NWD2: variants seen among roughly 807,000 people sequenced by gnomAD.
The protein encoded by NWD2 is NACHT and WD repeat domain containing 2.
NWD2 carries 37 observed loss-of-function variants against 132.7 expected under a neutral mutation model. The ratio of observed to expected loss-of-function variants is 0.28; its 90% CI spans 0.21 to 0.37. The LOEUF is 0.37. NWD2 is among the 10% of genes least tolerant of loss of function. The probability of loss-of-function intolerance (pLI) is 1.00; values close to 1 mark genes in which losing one functional copy is unlikely to be tolerated. For missense variants in NWD2, 1,592 were observed against 2,122.4 expected (o/e 0.75, Z 4.91); for synonymous variants, 705 against 803.0 (o/e 0.88, Z 2.06).
chr4:37,342,155 A>G (rs1719541105), intron 2 of NWD2, among the ~76,000 whole-genome samples: 2 of 152,156 alleles, frequency 1.3e-5, no homozygotes, highest in Non-Finnish European at 2.9e-5. Context: ...TGGGTCACAG[A>G]GGCGAATCCT....
chr4:37,409,161 G>C (rs1039132462), intron 3 of NWD2, among the ~76,000 whole-genome samples: 2 of 152,062 alleles, frequency 1.3e-5, no homozygotes, highest in East Asian at 1.9e-4. Context: ...GAATGAGTTT[G>C]ACAAGTTGAC....
rs138440537 is a variant in NWD2 at position 37,349,595 on chromosome 4, A to G, written c.241-6771A>G. Reference sequence around the variant, plus strand: ...GGATGCTGGATATTAGACCTTTGTCAGATGGATAGATTGCAAAAACTTTCT... The same window carrying G: ...GGATGCTGGATATTAGACCTTTGTCGGATGGATAGATTGCAAAAACTTTCT... On this transcript the variant is annotated intron_variant, in intron 2 of 6. Coordinates refer to ENST00000309447, the MANE Select transcript of NWD2 (RefSeq NM_001144990.2). Among the ~76,000 whole-genome samples, 785 of 152,326 alleles carry G rather than the reference A, an allele frequency of 5.2e-3. 9 individuals carry two copies. Among genetic ancestry groups the G allele is most frequent in the African/African-American group, 0.018 (745 of 41,574 alleles).
rs1244607821 is a variant in NWD2 at position 37,443,687 on chromosome 4, A to G, written c.1699A>G (p.Ile567Val). ...RCLIHEEDNY[I>V]ELIPRDRKMC... Reference sequence around the variant, plus strand: ...CCTTATCCATGAAGAAGACAACTACATCGAGCTGATTCCCCGAGACAGGAA... The same window carrying G: ...CCTTATCCATGAAGAAGACAACTACGTCGAGCTGATTCCCCGAGACAGGAA... The change falls in exon 7 of 7, where the codon ATC (isoleucine) becomes GTC (valine). Residue 567 changes from isoleucine to valine, a missense_variant. This residue lies in a region of NWD2 where 1,071 missense variants were observed against 1,398.0 expected (regional missense o/e 0.77). Coordinates refer to ENST00000309447, the MANE Select transcript of NWD2 (RefSeq NM_001144990.2). The surrounding 1 kb of genome is among the most constrained non-coding windows in gnomAD (Gnocchi z 4.1). 8 of 1,551,992 alleles carry G rather than the reference A, an allele frequency of 5.2e-6. No homozygotes were observed. Among genetic ancestry groups the G allele is most frequent in the Non-Finnish European group, 7.0e-6 (8 of 1,147,104 alleles).
chr4:37,393,499 C>A (rs1393600064), intron 3 of NWD2, among the ~76,000 whole-genome samples: 6 of 152,220 alleles, frequency 3.9e-5, no homozygotes, highest in Non-Finnish European at 7.4e-5. Context: ...ATAAGTACAA[C>A]TGGAAAGTTT....
At chr4:37,316,264 G>T (rs954917802) in intron 1 of NWD2, among the ~76,000 whole-genome samples, 1 of 151,802 alleles carries the variant, frequency 6.6e-6, no homozygotes, top group Non-Finnish European at 1.5e-5. Flanking sequence ...TAGAATTATT[G>T]GTTGACTCAT....
chr4:37,380,436 T>G (rs1356700248), intron 3 of NWD2, among the ~76,000 whole-genome samples: 2 of 152,208 alleles, frequency 1.3e-5, no homozygotes, highest in African/African-American at 4.8e-5. Flanking sequence ...GGACAAATGT[T>G]TTTCTCCCTC....
At chr4:37,331,653 C>T (rs1021931048) in intron 2 of NWD2, among the ~76,000 whole-genome samples, 2 of 152,170 alleles carry the variant, frequency 1.3e-5, no homozygotes, top group Non-Finnish European at 2.9e-5. Flanking sequence ...TAGAAGCTTC[C>T]ACTGATTGTC....
intron 3 of NWD2, among the ~76,000 whole-genome samples, chr4:37,379,377 C>T (rs1720407829): frequency 6.6e-6 from 1 of 151,790 alleles, no homozygotes; most frequent in South Asian, 2.1e-4. Flanking sequence ...ACAGAACAAA[C>T]AGAGACACAG....
rs376813953 is a variant in NWD2 at position 37,284,233 on chromosome 4, T to C, written c.151+39015T>C. ...TAGGTGGCACATGGTAGTTGCATCCTCACATGGTAGGAGGAGCAACAGAAC... is the reference window on the plus strand; with the variant it reads ...TAGGTGGCACATGGTAGTTGCATCCCCACATGGTAGGAGGAGCAACAGAAC... On this transcript the variant is annotated intron_variant, in intron 1 of 6. Transcript: ENST00000309447. Among the ~76,000 whole-genome samples, 6 of 152,272 alleles carry C rather than the reference T, an allele frequency of 3.9e-5. No individual in the cohort carries two copies. The South Asian group carries it at 1.0e-3, about 26-fold the overall frequency.
intron 1 of NWD2, among the ~76,000 whole-genome samples, chr4:37,307,793 G>T (rs552309187): frequency 6.6e-6 from 1 of 151,876 alleles, no homozygotes; most frequent in Non-Finnish European, 1.5e-5. Flanking sequence ...TGTAAGTCTC[G>T]TAGGCTTTCT....
chr4:37,327,823 G>A (rs908243576), intron 2 of NWD2, among the ~76,000 whole-genome samples: 8 of 152,060 alleles, frequency 5.3e-5, no homozygotes, highest in Non-Finnish European at 1.0e-4. Context: ...GAAGCTTCAT[G>A]AACAGCCAGT....
At chr4:37,305,235 G>A (rs76858577) in intron 1 of NWD2, among the ~76,000 whole-genome samples, 3,263 of 152,282 alleles carry the variant, frequency 0.021, 53 homozygotes, top group Non-Finnish European at 0.031. Flanking sequence ...CCTGTTTCAG[G>A]CCACGAAACT....
intron 3 of NWD2, among the ~76,000 whole-genome samples, chr4:37,385,525 A>G (rs1720541779): frequency 6.6e-6 from 1 of 152,160 alleles, no homozygotes; most frequent in Admixed American, 6.5e-5. Flanking sequence ...GAGATGCCTA[A>G]TTTCATCTCC....
chr4:37,320,555 TG>T (rs5857560), intron 1 of NWD2, among the ~76,000 whole-genome samples: 35,003 of 152,008 alleles, frequency 0.23, 4,720 homozygotes, highest in Middle Eastern at 0.4. Flanking sequence ...GACATAAAAT[TG>T]AGAAGATTTG....
intron 1 of NWD2, among the ~76,000 whole-genome samples, chr4:37,306,337 T>A (rs1718707725): frequency 6.6e-6 from 1 of 152,148 alleles, no homozygotes; most frequent in South Asian, 2.1e-4. Context: ...GTTCTGATCT[T>A]TATTATTTCC....
intron 1 of NWD2, among the ~76,000 whole-genome samples, chr4:37,249,333 A>G (rs1392854436): frequency 6.6e-6 from 1 of 152,214 alleles, no homozygotes; most frequent in Non-Finnish European, 1.5e-5. Flanking sequence ...TTGGAATTGC[A>G]GGTAAAAGAT....
At chr4:37,262,542 GCTGTGTTAAAT>G (rs1717661053) in intron 1 of NWD2, among the ~76,000 whole-genome samples, 2 of 152,134 alleles carry the variant, frequency 1.3e-5, no homozygotes, top group Admixed American at 6.5e-5. Context: ...TTTTCTAGTA[GCTGTGTTAAAT>G]CTGATCTGGG....
chr4:37,353,251 A>T (rs900938235), intron 2 of NWD2, among the ~76,000 whole-genome samples: 1 of 151,256 alleles, frequency 6.6e-6, no homozygotes. Flanking sequence ...CCCTTTCCCA[A>T]CCTTTCTCTA....
At chr4:37,261,318 A>G (rs1479308776) in intron 1 of NWD2, among the ~76,000 whole-genome samples, 1 of 152,200 alleles carries the variant, frequency 6.6e-6, no homozygotes, top group Non-Finnish European at 1.5e-5. Context: ...ATGTAACATG[A>G]TGATACAGTT....
Sources: gnomAD v4.1 joint callset for allele counts (sites outside exome capture counted in the v4.1 genomes callset) on GRCh38, gnomAD v4.1.1 for gene constraint, gnomAD v4.1.1 regional missense constraint, Gnocchi (gnomAD v3.1) non-coding constraint, MANE v1.5 for transcripts, NCBI Gene and HGNC (gene_info 2026-07-23, HGNC 2026-07-21) for gene names.